ANKS1B: variants seen among roughly 807,000 people sequenced by gnomAD.
ANKS1B encodes the protein ankyrin repeat and sterile alpha motif domain containing 1B.
Under a neutral mutation model 148.3 loss-of-function variants are expected in ANKS1B, and 36 were observed. That is an observed-to-expected ratio of 0.24 (90% CI 0.19 to 0.32). The LOEUF (loss-of-function observed/expected upper bound fraction) is 0.32, where lower values mean the gene tolerates loss of function less well. Among genes scored for constraint, ANKS1B ranks in the 10% least tolerant of loss-of-function variants. The pLI, the probability that ANKS1B is intolerant of heterozygous loss-of-function variation, is 1.00. For missense variants in ANKS1B, 1,157 were observed against 1,542.6 expected (o/e 0.75, Z 4.19); for synonymous variants, 542 against 560.8 (o/e 0.97, Z 0.47).
chr12:99,271,878 A>G (rs983075679), intron 12 of ANKS1B, among the ~76,000 whole-genome samples: 1 of 151,990 alleles, frequency 6.6e-6, no homozygotes, highest in Non-Finnish European at 1.5e-5. Context: ...TAAATGTTAC[A>G]TCTCATCAGA....
chr12:99,976,543 A>G (rs1310014643), intron 1 of ANKS1B, among the ~76,000 whole-genome samples: 1 of 152,220 alleles, frequency 6.6e-6, no homozygotes, highest in Non-Finnish European at 1.5e-5. Flanking sequence ...ACATCCATCA[A>G]TCAAGATTTG....
At chr12:98,824,394 C>T (rs2099228908) in intron 19 of ANKS1B, among the ~76,000 whole-genome samples, 1 of 152,200 alleles carries the variant, frequency 6.6e-6, no homozygotes, top group Non-Finnish European at 1.5e-5. Flanking sequence ...AGCACTTGCC[C>T]TTCAACTCTC....
chr12:99,407,103 G>C lies in ANKS1B; in HGVS notation c.1576-7292C>G, dbSNP rs1338860628. Among the ~76,000 whole-genome samples, 4 of 145,706 alleles carry C rather than the reference G, an allele frequency of 2.7e-5. 1 individual carries two copies. The highest frequency in any genetic ancestry group is 3.5e-3 in the Middle Eastern group (1 of 286). On this transcript the variant is annotated intron_variant, in intron 11 of 26. Transcript: ENST00000683438. ...CAGAAAACTACGGGCCAATATTCCT[G>C]ATGCATGTTGATGCAAAAATTCTCA...
At chr12:99,806,827 T>C (rs1297043158) in intron 3 of ANKS1B, 127 bp from the exon 4 acceptor site, 6 of 934,874 alleles carry the variant, frequency 6.4e-6, no homozygotes, top group Non-Finnish European at 9.2e-6. Flanking sequence ...TTAACAAGTA[T>C]GCCTAATGGA....
chr12:99,638,335 C>G (rs2098264407), intron 9 of ANKS1B, among the ~76,000 whole-genome samples: 1 of 152,006 alleles, frequency 6.6e-6, no homozygotes. Flanking sequence ...TTCCTAGAGA[C>G]TTGCTGAATG....
In ANKS1B at chr12:99,554,728, A is replaced by G. The variant is rs184956437; in HGVS notation, c.1273-50087T>C. Among the ~76,000 whole-genome samples the G allele has an allele frequency of 2.2e-4, 33 of 152,282 alleles. 1 individual carries two copies. The East Asian group carries it at 5.4e-3, about 25-fold the overall frequency. On this transcript the variant is annotated intron_variant, in intron 9 of 26. Transcript: ENST00000683438. The stretch of plus-strand genomic sequence containing the variant: ...ACTTTTATTTTAGGTTCAAGGTTAC[A>G]TGTGCAGTTTTGTTATATAGATAAT...
Position 99,810,212 on chromosome 12 carries a change from G to A in ANKS1B, c.372+1943C>T, listed in dbSNP as rs572032889. On this transcript the variant is annotated intron_variant, in intron 3 of 26. Coordinates refer to ENST00000683438, the MANE Select transcript of ANKS1B (RefSeq NM_001352186.2). Reference sequence around the variant, plus strand: ...GCATGATTTCTCAACTATAAAATGCGAGTGATATTATCAATTCAGAGGATT... The same window carrying A: ...GCATGATTTCTCAACTATAAAATGCAAGTGATATTATCAATTCAGAGGATT... Among the ~76,000 whole-genome samples, 164 of 152,072 alleles carry A rather than the reference G, an allele frequency of 1.1e-3. 1 individual carries two copies. In the South Asian group the frequency reaches 0.018, roughly 16 times the overall value.
rs542679493 is a variant in ANKS1B, at chr12:98,758,394, C to A, written c.3580-6872G>T. 3.3e-5 allele frequency among the ~76,000 whole-genome samples: 5 copies of A among 152,322 alleles called. No individual in the cohort carries two copies. The South Asian group carries it at 1.0e-3, about 32-fold the overall frequency. ...GATAAAATAAAAAAAATTCTGTAATCTGTTTTAAAAAGTTTAAAAAACATG... is the reference window on the plus strand; with the variant it reads ...GATAAAATAAAAAAAATTCTGTAATATGTTTTAAAAAGTTTAAAAAACATG... On this transcript the variant is annotated intron_variant, in intron 25 of 26. Transcript: ENST00000683438.
chr12:99,641,533 T>C (rs781248452), intron 9 of ANKS1B, among the ~76,000 whole-genome samples: 1 of 152,178 alleles, frequency 6.6e-6, no homozygotes, highest in Non-Finnish European at 1.5e-5. Flanking sequence ...AATAAACATC[T>C]GTGAAACAAA....
At chr12:99,323,186 G>A (rs976378049) in intron 12 of ANKS1B, among the ~76,000 whole-genome samples, 2 of 152,054 alleles carry the variant, frequency 1.3e-5, no homozygotes, top group Non-Finnish European at 2.9e-5. Context: ...TTAACTTCTG[G>A]ACAGAGTTGT....
chr12:99,938,875 T>G (rs1032094235), intron 1 of ANKS1B, among the ~76,000 whole-genome samples: 1 of 152,132 alleles, frequency 6.6e-6, no homozygotes, highest in Non-Finnish European at 1.5e-5. Flanking sequence ...AATGAGAAAT[T>G]TGAAGGATCA....
chr12:99,377,014 CTT>C (rs944068854), intron 12 of ANKS1B, among the ~76,000 whole-genome samples: 1 of 145,590 alleles, frequency 6.9e-6, no homozygotes, highest in Admixed American at 6.9e-5. Context: ...ACACACCTAT[CTT>C]TTTTTTTTTT....
At chr12:99,686,646 T>C (rs1333031257) in intron 8 of ANKS1B, among the ~76,000 whole-genome samples, 1 of 152,202 alleles carries the variant, frequency 6.6e-6, no homozygotes, top group Non-Finnish European at 1.5e-5. Flanking sequence ...ATGACAATTA[T>C]AGACATGTAA....
intron 12 of ANKS1B, among the ~76,000 whole-genome samples, chr12:99,346,124 T>A (rs575664911): frequency 6.6e-6 from 1 of 152,016 alleles, no homozygotes; most frequent in African/African-American, 2.4e-5. Context: ...CAATTTATTA[T>A]CCTTGTCTTT....
chr12:98,878,013 T>C (rs768278248), intron 17 of ANKS1B, among the ~76,000 whole-genome samples: 34 of 152,166 alleles, frequency 2.2e-4, no homozygotes, highest in Non-Finnish European at 4.1e-4. Context: ...ACTCTTTTAT[T>C]TTCTTCTTCG....
chr12:98,975,268 C>T (rs1490612578), intron 17 of ANKS1B, among the ~76,000 whole-genome samples: 1 of 145,300 alleles, frequency 6.9e-6, no homozygotes, highest in African/African-American at 2.5e-5. Context: ...TTCATTCCTC[C>T]CTCCCTCCCT....
intron 16 of ANKS1B, among the ~76,000 whole-genome samples, chr12:99,059,788 C>CATATATATATAT (rs759625732): frequency 0.045 from 4,026 of 90,238 alleles, 240 homozygotes; most frequent in Middle Eastern, 0.059. Context: ...AACTAAAATT[C>CATATATATATAT]ATATATATAT....
intron 12 of ANKS1B, among the ~76,000 whole-genome samples, chr12:99,327,025 T>G (rs1037875615): frequency 7.5e-6 from 1 of 133,936 alleles, no homozygotes; most frequent in Non-Finnish European, 1.5e-5. Context: ...TATATTATAA[T>G]AAATATTATA....
At chr12:99,928,891 C>G (rs1285027225) in intron 1 of ANKS1B, among the ~76,000 whole-genome samples, 3 of 152,120 alleles carry the variant, frequency 2.0e-5, no homozygotes, top group African/African-American at 7.2e-5. Flanking sequence ...AGAGGAAAAG[C>G]AGGCTTGGAA....
Sources: allele counts gnomAD v4.1 joint callset (sites outside exome capture counted in the v4.1 genomes callset), GRCh38; gene constraint gnomAD v4.1.1; transcripts MANE v1.5; gene names NCBI Gene and HGNC (gene_info 2026-07-23, HGNC 2026-07-21).